Variants in CPVL observed in about 807,000 individuals in gnomAD.
The protein encoded by CPVL is probable serine carboxypeptidase CPVL.
Under a neutral mutation model 63.7 loss-of-function variants are expected in CPVL, and 51 were observed. The ratio of observed to expected loss-of-function variants is 0.80; its 90% CI spans 0.64 to 1.01. The LOEUF is 1.01. CPVL is among the 50% of genes least tolerant of loss of function. The pLI, the probability that CPVL is intolerant of heterozygous loss-of-function variation, is 0.00. For missense variants in CPVL, 530 were observed against 573.1 expected (o/e 0.92, Z 0.77); for synonymous variants, 195 against 206.0 (o/e 0.95, Z 0.46).
chr7:29,109,588 T>C (rs896423537), intron 3 of CPVL, among the ~76,000 whole-genome samples: 1 of 152,198 alleles, frequency 6.6e-6, no homozygotes, highest in African/African-American at 2.4e-5. Flanking sequence ...GCTCTGCATG[T>C]GGGCTTCCTG....
intron 12 of CPVL, chr7:29,013,312 G>C (rs749604970): frequency 8.5e-5 from 13 of 152,254 alleles, no homozygotes; most frequent in African/African-American, 3.1e-4. Context: ...GACCCACCCA[G>C]CTGAGCTCAC....
At chr7:29,097,774 G>A (rs971003544) in intron 3 of CPVL, among the ~76,000 whole-genome samples, 1 of 152,172 alleles carries the variant, frequency 6.6e-6, no homozygotes, top group Admixed American at 6.5e-5. Context: ...ATTGGAGGCT[G>A]AAAAGGAGAA....
rs1429817638 is a variant in CPVL at position 29,071,804 on chromosome 7, A to G, written c.833T>C (p.Ile278Thr). 1 of 1,586,618 alleles carries G rather than the reference A, an allele frequency of 6.3e-7. No homozygotes were observed. The highest frequency in any genetic ancestry group is 1.1e-5 in the South Asian group (1 of 90,704). ...GGCCTCAAACCAGTTCTGCTTCCTG[A>G]TGTGTTCTATGCATTCATGGCACTG... The part of the protein sequence containing the change: ...QKQCHECIEH[I>T]RKQNWFEAFE... The change falls in exon 9 of 13, where the codon ATC (isoleucine) becomes ACC (threonine). Residue 278 changes from isoleucine (I) to threonine (T), a missense_variant. Coordinates refer to ENST00000265394, the MANE Select transcript of CPVL (RefSeq NM_031311.5).
chr7:29,060,096 T>C (rs549225181), intron 11 of CPVL, among the ~76,000 whole-genome samples: 2 of 152,330 alleles, frequency 1.3e-5, no homozygotes, highest in South Asian at 4.1e-4. Context: ...GGGTTTCTTG[T>C]ATAACTTTTG....
At chr7:29,103,115 G>A (rs896331065) in intron 3 of CPVL, among the ~76,000 whole-genome samples, 1 of 120,374 alleles carries the variant, frequency 8.3e-6, no homozygotes, top group Non-Finnish European at 1.6e-5. Flanking sequence ...CAGAGAGAAA[G>A]AGAGAATAGA....
intron 3 of CPVL, among the ~76,000 whole-genome samples, chr7:29,104,633 G>A (rs775719845): frequency 1.3e-5 from 2 of 152,092 alleles, no homozygotes; most frequent in Non-Finnish European, 2.9e-5. Context: ...GTTTTGGCTT[G>A]TCTCATTGAT....
chr7:29,122,512 T>C (rs1038015363), intron 1 of CPVL: 1 of 152,166 alleles, frequency 6.6e-6, no homozygotes, highest in Non-Finnish European at 1.5e-5. Context: ...CTAGTGTCCT[T>C]TGCTAAAACT....
chr7:28,995,793 T>C lies in CPVL; in HGVS notation c.1410A>G (p.Gly470=), dbSNP rs764573965. 5 of 1,603,252 alleles carry C rather than the reference T, an allele frequency of 3.1e-6. No individual in the cohort carries two copies. The highest frequency in any genetic ancestry group is 4.3e-6 in the Non-Finnish European group (5 of 1,175,136). Residue 470 remains glycine (G), a synonymous_variant, in exon 13 of 13, where the codon GGA becomes GGG. Coordinates refer to ENST00000265394, the MANE Select transcript of CPVL (RefSeq NM_031311.5). ...TAGTTTATCCAACATAAGGATCCCATCCTTTTCCATAAATGAATCGATTAA... is the reference window on the plus strand; with the variant it reads ...TAGTTTATCCAACATAAGGATCCCACCCTTTTCCATAAATGAATCGATTAA... ...DMINRFIYGK[G]WDPYVG is the part of the protein sequence containing the mutation.
intron 11 of CPVL, among the ~76,000 whole-genome samples, chr7:29,040,075 C>CAA (rs34532752): frequency 1.0e-4 from 15 of 150,212 alleles, no homozygotes; most frequent in African/African-American, 3.7e-4. Flanking sequence ...TTCACTAATC[C>CAA]AAAAAAAAAA....
chr7:29,111,131 T>C (rs1788184160), intron 3 of CPVL, among the ~76,000 whole-genome samples: 1 of 152,270 alleles, frequency 6.6e-6, no homozygotes, highest in Non-Finnish European at 1.5e-5. Flanking sequence ...ATTAAGTTTG[T>C]GGCAATTTGT....
chr7:29,053,488 C>T (rs1280441391), intron 11 of CPVL, among the ~76,000 whole-genome samples: 1 of 152,154 alleles, frequency 6.6e-6, no homozygotes, highest in Non-Finnish European at 1.5e-5. Flanking sequence ...CACAAAAGGC[C>T]ATATACTGCA....
chr7:29,006,211 T>C (rs1562719288), intron 12 of CPVL, among the ~76,000 whole-genome samples: 1 of 152,166 alleles, frequency 6.6e-6, no homozygotes, highest in Non-Finnish European at 1.5e-5. Context: ...CGTGAGAGTA[T>C]TTACACTATG....
At chr7:29,106,974 A>G (rs896399957) in intron 3 of CPVL, among the ~76,000 whole-genome samples, 2 of 152,232 alleles carry the variant, frequency 1.3e-5, no homozygotes, top group African/African-American at 4.8e-5. Context: ...TCAAGGAATC[A>G]GCCAGAGCTG....
At chr7:29,148,279 G>C (rs1334481725), upstream of CPVL, among the ~76,000 whole-genome samples, 1 of 152,136 alleles carries the variant, frequency 6.6e-6, no homozygotes, top group Non-Finnish European at 1.5e-5. Context: ...TGCCCACGTG[G>C]AACCACTTAA....
intron 5 of CPVL, among the ~76,000 whole-genome samples, chr7:29,170,916 C>G (rs937453736): frequency 6.6e-6 from 1 of 152,108 alleles, no homozygotes; most frequent in East Asian, 1.9e-4. Context: ...GAGACTTACT[C>G]ACTATCACAA....
chr7:29,071,940 G>A lies in CPVL; in HGVS notation c.733-36C>T, dbSNP rs768185823. 37 of 1,611,750 alleles carry A rather than the reference G, an allele frequency of 2.3e-5. No homozygotes were observed. The Admixed American group carries it at 6.0e-4, about 26-fold the overall frequency. ...AAAAGACACACATCAATGTGACAAA[G>A]GGAGAGAAAGAGACCTTAAGGAAGC... On this transcript the variant is annotated intron_variant, in intron 8 of 12. Transcript: ENST00000265394.
intron 12 of CPVL, among the ~76,000 whole-genome samples, chr7:29,019,448 G>A (rs1470230245): frequency 1.3e-5 from 2 of 152,134 alleles, no homozygotes; most frequent in African/African-American, 2.4e-5. Context: ...ATGGCTTGAT[G>A]TGAATACACA....
chr7:29,147,076 C>T, upstream of CPVL: 29 of 1,409,298 alleles, frequency 2.1e-5, no homozygotes, highest in Non-Finnish European at 2.8e-5. Flanking sequence ...AATTGGGGGA[C>T]ACAAACTAAG....
At chr7:29,129,004 A>G (rs1169397500) in intron 1 of CPVL, among the ~76,000 whole-genome samples, 1 of 152,160 alleles carries the variant, frequency 6.6e-6, no homozygotes, top group Non-Finnish European at 1.5e-5. Flanking sequence ...CTGTGTTAGC[A>G]TTTTATTCTA....
Sources: gnomAD v4.1 joint callset for allele counts (sites outside exome capture counted in the v4.1 genomes callset) on GRCh38, gnomAD v4.1.1 for gene constraint, MANE v1.5 for transcripts, NCBI Gene and HGNC (gene_info 2026-07-23, HGNC 2026-07-21) for gene names.